Variants in LDLRAD4 observed in about 807,000 individuals in gnomAD.
LDLRAD4 encodes low density lipoprotein receptor class A domain containing 4.
Under a neutral mutation model 17.0 loss-of-function variants are expected in LDLRAD4, and 5 were observed. The observed-to-expected ratio is 0.29, with a 90% confidence interval of 0.15 to 0.62. LDLRAD4 has a LOEUF of 0.62. LDLRAD4 is among the 20% of genes least tolerant of loss of function. The probability of loss-of-function intolerance (pLI) is 0.84; values close to 1 mark genes in which losing one functional copy is unlikely to be tolerated. For missense variants in LDLRAD4, 340 were observed against 424.7 expected, an observed-to-expected ratio of 0.80 and a Z score of 1.75; for synonymous variants, 168 against 171.8, an observed-to-expected ratio of 0.98 and a Z score of 0.17.
At chr18:13,527,947 G>A (rs772058510) in intron 3 of LDLRAD4, among the ~76,000 whole-genome samples, 2 of 152,138 alleles carry the variant, frequency 1.3e-5, no homozygotes, top group Admixed American at 6.5e-5. Context: ...CTGGCTTGAC[G>A]TCCTGGGCCA....
chr18:13,505,644 T>C (rs2093678452), intron 3 of LDLRAD4, among the ~76,000 whole-genome samples: 3 of 151,962 alleles, frequency 2.0e-5, no homozygotes, highest in South Asian at 4.2e-4. Context: ...ACGGTGAAAC[T>C]CATCTCTACT....
chr18:13,556,254 C>T (rs1234237247), intron 3 of LDLRAD4, among the ~76,000 whole-genome samples: 1 of 152,124 alleles, frequency 6.6e-6, no homozygotes, highest in Non-Finnish European at 1.5e-5. Context: ...CAGAGCTTAC[C>T]TTCTTGTGAC....
chr18:13,434,128 G>A (rs567538954), intron 2 of LDLRAD4, among the ~76,000 whole-genome samples: 1 of 152,142 alleles, frequency 6.6e-6, no homozygotes, highest in South Asian at 2.1e-4. Flanking sequence ...CCCATCAGAA[G>A]CTTTATGTAG....
rs371437202 is a variant in LDLRAD4 at position 13,416,912 on chromosome 18, A to G, written c.41-21332A>G. 4.6e-5 allele frequency among the ~76,000 whole-genome samples: 7 copies of G among 152,196 alleles called. No homozygotes were observed. In the East Asian group the frequency reaches 1.2e-3, roughly 25 times the overall value. On this transcript the variant is annotated intron_variant, in intron 2 of 5. Transcript: ENST00000359446. ...TGGTGCTTTCTATTTATATTATTTC[A>G]ATTAATCCTCATAGCAACGTGTGAG...
chr18:13,603,287 T>C (rs1347843897), intron 3 of LDLRAD4, among the ~76,000 whole-genome samples: 1 of 152,224 alleles, frequency 6.6e-6, no homozygotes, highest in African/African-American at 2.4e-5. Context: ...AAATGGTCTC[T>C]ATGCACTTCC....
At chr18:13,619,888 A>G (rs2040452627) in intron 3 of LDLRAD4, among the ~76,000 whole-genome samples, 1 of 151,924 alleles carries the variant, frequency 6.6e-6, no homozygotes, top group Admixed American at 6.5e-5. Context: ...AGCCTCCTAC[A>G]CAGTCTGCTC....
At chr18:13,461,760 A>G (rs540921689) in intron 3 of LDLRAD4, among the ~76,000 whole-genome samples, 3 of 152,188 alleles carry the variant, frequency 2.0e-5, no homozygotes, top group Non-Finnish European at 4.4e-5. Flanking sequence ...ACCCTATGCA[A>G]ATGTCTGATT....
Position 13,367,689 on chromosome 18 carries a change from C to T in LDLRAD4, c.-382-19652C>T, listed in dbSNP as rs898135344. ...TGTGCCGAGAGGGGACAGCCGGGCA[C>T]GGGGGCACACGTTGTCAAGGGATAT... On this transcript the variant is annotated intron_variant, in intron 1 of 5. Transcript: ENST00000359446. The surrounding 1 kb of genome is among the most constrained non-coding windows in gnomAD (Gnocchi z 4.1). Among the ~76,000 whole-genome samples, 4 of 151,652 alleles carry T rather than the reference C, an allele frequency of 2.6e-5. No homozygotes were observed. The highest frequency in any genetic ancestry group is 7.3e-5 in the African/African-American group (3 of 41,330).
chr18:13,239,074 C>T (rs1185412316), intron 1 of LDLRAD4, among the ~76,000 whole-genome samples: 1 of 151,714 alleles, frequency 6.6e-6, no homozygotes, highest in Non-Finnish European at 1.5e-5. Context: ...GTAATCCCAG[C>T]TACTCAGGGG....
At chr18:13,412,092 C>T (rs1245331914) in intron 2 of LDLRAD4, among the ~76,000 whole-genome samples, 1 of 152,184 alleles carries the variant, frequency 6.6e-6, no homozygotes, top group East Asian at 1.9e-4. Flanking sequence ...GATCCTCCCA[C>T]CTCAGCCTCC....
intron 3 of LDLRAD4, among the ~76,000 whole-genome samples, chr18:13,596,860 A>C (rs542818637): frequency 2.0e-5 from 3 of 152,334 alleles, no homozygotes; most frequent in African/African-American, 7.2e-5. Flanking sequence ...TCATCATGAA[A>C]TAAATTACAT....
At chr18:13,260,436 A>C (rs997953574) in intron 1 of LDLRAD4, among the ~76,000 whole-genome samples, 3 of 152,208 alleles carry the variant, frequency 2.0e-5, no homozygotes, top group Non-Finnish European at 4.4e-5. Flanking sequence ...TAAATGCCTT[A>C]AATGTATTAG....
chr18:13,630,443 T>G (rs895384140), intron 4 of LDLRAD4, among the ~76,000 whole-genome samples: 26 of 152,196 alleles, frequency 1.7e-4, no homozygotes, highest in African/African-American at 5.8e-4. Flanking sequence ...ATTGATTTTA[T>G]CAGAAGGCAA....
At chr18:13,475,828 T>C (rs1408033809) in intron 3 of LDLRAD4, among the ~76,000 whole-genome samples, 1 of 152,036 alleles carries the variant, frequency 6.6e-6, no homozygotes, top group African/African-American at 2.4e-5. Context: ...TCAAGGACAA[T>C]GGTGTAGAAA....
intron 3 of LDLRAD4, among the ~76,000 whole-genome samples, chr18:13,541,624 A>T (rs964464053): frequency 6.6e-6 from 1 of 152,196 alleles, no homozygotes; most frequent in Non-Finnish European, 1.5e-5. Context: ...TAATAATTAA[A>T]ATACTTACTG....
chr18:13,402,647 G>C (rs944329240), intron 2 of LDLRAD4, among the ~76,000 whole-genome samples: 1 of 152,140 alleles, frequency 6.6e-6, no homozygotes, highest in African/African-American at 2.4e-5. Flanking sequence ...GTAGCTCCTA[G>C]GTCAGTGCTG....
chr18:13,598,645 T>A (rs552821038), intron 3 of LDLRAD4, among the ~76,000 whole-genome samples: 83 of 152,374 alleles, frequency 5.4e-4, no homozygotes, highest in Admixed American at 1.1e-3. Context: ...TCTCAATTTC[T>A]TACTACCAAA....
intron 3 of LDLRAD4, among the ~76,000 whole-genome samples, chr18:13,619,963 C>A (rs2040458584): frequency 6.6e-6 from 1 of 151,966 alleles, no homozygotes. Context: ...CCACTCCCAC[C>A]CTCAGTCCCT....
intron 3 of LDLRAD4, among the ~76,000 whole-genome samples, chr18:13,516,878 C>T (rs2093875216): frequency 6.6e-6 from 1 of 152,194 alleles, no homozygotes; most frequent in Admixed American, 6.5e-5. Context: ...GAGACAGGGT[C>T]TTGCTCTGTT....
Sources: allele counts gnomAD v4.1 joint callset (sites outside exome capture counted in the v4.1 genomes callset), GRCh38; gene constraint gnomAD v4.1.1; non-coding constraint Gnocchi (gnomAD v3.1); transcripts MANE v1.5; gene names NCBI Gene and HGNC (gene_info 2026-07-23, HGNC 2026-07-21).